The following IHO1 variants were observed in gnomAD, a reference collection of about 807,000 sequenced individuals.
The protein encoded by IHO1 is interactor of HORMAD1 protein 1.
A neutral mutation model predicts 31.0 loss-of-function variants in IHO1; 13 were observed. The observed-to-expected ratio is 0.42, with a 90% CI of 0.27 to 0.67. IHO1 has a LOEUF of 0.67. Ranked by LOEUF, IHO1 falls within the 30% of genes least tolerant of loss-of-function variation. IHO1 has a pLI of 0.24. For missense variants in IHO1, 599 were observed against 687.5 expected, an observed-to-expected ratio of 0.87 and a Z score of 1.44; for synonymous variants, 221 against 248.4, an observed-to-expected ratio of 0.89 and a Z score of 1.04.
intron 2 of IHO1, among the ~76,000 whole-genome samples, chr3:49,221,387 G>T (rs1434804087): frequency 6.6e-6 from 1 of 152,074 alleles, no homozygotes; most frequent in Non-Finnish European, 1.5e-5. Flanking sequence ...AGTGCTGATG[G>T]TGCATTTACA....
intron 6 of IHO1, among the ~76,000 whole-genome samples, chr3:49,253,172 T>A (rs866066616): frequency 2.0e-5 from 3 of 152,110 alleles, no homozygotes; most frequent in Non-Finnish European, 4.4e-5. Flanking sequence ...ATGCCTGTAA[T>A]CCCAGCACTT....
intron 2 of IHO1, among the ~76,000 whole-genome samples, chr3:49,235,262 T>TGGA (rs2046543863): frequency 2.0e-5 from 3 of 150,938 alleles, no homozygotes; most frequent in African/African-American, 7.3e-5. Context: ...AGTCTTACTC[T>TGGA]GTTGCCCAGG....
intron 2 of IHO1, among the ~76,000 whole-genome samples, chr3:49,216,234 A>G (rs1322191185): frequency 9.2e-5 from 14 of 152,220 alleles, no homozygotes; most frequent in African/African-American, 4.8e-5. Flanking sequence ...AAATTGTTTC[A>G]GAATGATTCA....
chr3:49,255,154 A>G (rs770375531), intron 6 of IHO1, among the ~76,000 whole-genome samples: 25 of 152,102 alleles, frequency 1.6e-4, no homozygotes, highest in Non-Finnish European at 3.4e-4. Flanking sequence ...AAGGAAGGCC[A>G]CAGAAGCTTT....
chr3:49,234,602 C>CA (rs2046531103), intron 2 of IHO1, among the ~76,000 whole-genome samples: 1 of 152,076 alleles, frequency 6.6e-6, no homozygotes, highest in African/African-American at 2.4e-5. Context: ...AGGGTTGTTA[C>CA]AATGATACCA....
At chr3:49,236,523 T>C in intron 2 of IHO1, 25 bp from the exon 3 acceptor site, 1 of 1,532,820 alleles carries the variant, frequency 6.5e-7, no homozygotes, top group African/African-American at 1.4e-5. Flanking sequence ...GTCTATTTGA[T>C]ACACTTTTTT....
chr3:49,203,339 G>A (rs1216115602), intron 1 of IHO1, among the ~76,000 whole-genome samples: 1 of 152,210 alleles, frequency 6.6e-6, no homozygotes, highest in African/African-American at 2.4e-5. Flanking sequence ...GCATGCAACA[G>A]GGTATAGATG....
chr3:49,247,878 A>G (rs1349218014), intron 6 of IHO1, among the ~76,000 whole-genome samples: 1 of 151,926 alleles, frequency 6.6e-6, no homozygotes, highest in Non-Finnish European at 1.5e-5. Context: ...TAATTCCAGC[A>G]CTTTGGGAGG....
At chr3:49,216,641 A>G (rs1161139046) in intron 2 of IHO1, among the ~76,000 whole-genome samples, 1 of 152,214 alleles carries the variant, frequency 6.6e-6, no homozygotes, top group Non-Finnish European at 1.5e-5. Context: ...AAAATAGACA[A>G]ATGGGATCTA....
At position 49,233,768 on chromosome 3, in the gene IHO1, A is replaced by T. The variant is rs187852836; in HGVS notation, c.57-2780A>T. Among the ~76,000 whole-genome samples, 7 of 152,354 alleles carry T rather than the reference A, an allele frequency of 4.6e-5. No individual in the cohort carries two copies. The East Asian group carries it at 1.3e-3, about 29-fold the overall frequency. The stretch of plus-strand genomic sequence containing the variant: ...TAAACAAAATCTCTGCAGCACTGTG[A>T]CATGTTCATTATGGCCATGATGCCC... On this transcript the variant is annotated intron_variant, in intron 2 of 7. Coordinates refer to ENST00000452691, the MANE Select transcript of IHO1 (RefSeq NM_001135197.2).
chr3:49,226,769 G>A (rs2046423919), intron 2 of IHO1, among the ~76,000 whole-genome samples: 2 of 152,090 alleles, frequency 1.3e-5, no homozygotes, highest in South Asian at 4.1e-4. Flanking sequence ...AGAGATCGAG[G>A]GTCTGCCCTA....
chr3:49,228,449 G>A (rs770635077), intron 2 of IHO1: 2 of 359,306 alleles, frequency 5.6e-6, no homozygotes, highest in Non-Finnish European at 1.1e-5. Flanking sequence ...TTTAGCCCCT[G>A]AATTCTAAGG....
At chr3:49,214,607 CAT>C (rs1311032715) in intron 2 of IHO1, among the ~76,000 whole-genome samples, 506 of 24,798 alleles carry the variant, frequency 0.02, 23 homozygotes, top group South Asian at 0.028. Context: ...ATTTCTAGAT[CAT>C]ATATATATAT....
At chr3:49,201,368 G>A (rs1425879229) in intron 1 of IHO1, among the ~76,000 whole-genome samples, 2 of 151,978 alleles carry the variant, frequency 1.3e-5, no homozygotes, top group Non-Finnish European at 2.9e-5. Context: ...AGCACTTTGG[G>A]AGGCCAAGGC....
At chr3:49,242,488 A>AT (rs1400184374) in intron 4 of IHO1, among the ~76,000 whole-genome samples, 1 of 152,034 alleles carries the variant, frequency 6.6e-6, no homozygotes, top group Non-Finnish European at 1.5e-5. Flanking sequence ...ACATACCACA[A>AT]TTTTTTTCTC....
intron 1 of IHO1, among the ~76,000 whole-genome samples, chr3:49,203,020 G>A (rs1356424316): frequency 6.6e-6 from 1 of 151,876 alleles, no homozygotes; most frequent in Non-Finnish European, 1.5e-5. Flanking sequence ...CCGCCACCGC[G>A]CCCGGCCAAT....
intron 2 of IHO1, among the ~76,000 whole-genome samples, chr3:49,219,523 G>A (rs1440798854): frequency 6.6e-6 from 1 of 152,106 alleles, no homozygotes; most frequent in Non-Finnish European, 1.5e-5. Context: ...ACTCTGTTCG[G>A]GGCTGTCAGC....
intron 2 of IHO1, among the ~76,000 whole-genome samples, chr3:49,226,317 T>C (rs982955510): frequency 6.6e-6 from 1 of 152,208 alleles, no homozygotes; most frequent in Admixed American, 6.5e-5. Context: ...TCTCCTGATA[T>C]CTGCAACTGA....
upstream of IHO1, among the ~76,000 whole-genome samples, chr3:49,196,418 A>G (rs1177358130): frequency 1.4e-5 from 2 of 146,896 alleles, no homozygotes; most frequent in African/African-American, 2.5e-5. Context: ...TCCCGGGTTC[A>G]CGCCATTCTC....
Sources: allele counts gnomAD v4.1 joint callset (sites outside exome capture counted in the v4.1 genomes callset), GRCh38; gene constraint gnomAD v4.1.1; transcripts MANE v1.5; gene names NCBI Gene and HGNC (gene_info 2026-07-23, HGNC 2026-07-21).